Variants in PLEKHG5 observed in about 807,000 individuals in gnomAD.
PLEKHG5 encodes the protein pleckstrin homology domain-containing family G member 5.
A neutral mutation model predicts 103.8 loss-of-function variants in PLEKHG5; 52 were observed. The observed-to-expected ratio is 0.50, with a 90% CI of 0.40 to 0.63. The LOEUF (loss-of-function observed/expected upper bound fraction) is 0.63, where lower values mean the gene tolerates loss of function less well. PLEKHG5 is among the 30% of genes least tolerant of loss of function. The pLI is 0.00. For synonymous variants in PLEKHG5, 592 were observed against 575.5 expected (o/e 1.03, Z -0.41); for missense variants, 1,205 against 1,347.6 (o/e 0.89, Z 1.66).
At chr1:6,512,867 G>A (rs924280359) in intron 1 of PLEKHG5, among the ~76,000 whole-genome samples, 2 of 151,844 alleles carry the variant, frequency 1.3e-5, no homozygotes, top group African/African-American at 4.8e-5. Flanking sequence ...TTTATACAGC[G>A]TAGGCCTCAC....
At chr1:6,504,017 G>T (rs1638228991) in intron 1 of PLEKHG5, among the ~76,000 whole-genome samples, 1 of 152,226 alleles carries the variant, frequency 6.6e-6, no homozygotes, top group African/African-American at 2.4e-5. Context: ...GCCAAGGGGA[G>T]CACAGTCTGA....
rs1290410043 is a variant in PLEKHG5 at position 6,472,557 on chromosome 1, G to C, written c.1050C>G (p.Ser350=). The C allele has an allele frequency of 6.2e-7, 1 of 1,613,660 alleles. No individual in the cohort carries two copies. The highest frequency in any genetic ancestry group is 1.1e-5 in the South Asian group (1 of 91,048). ...AVWELLHTEA[S]YIRKLRVIIN... is the part of the protein sequence containing the mutation. ...TGATCACCCGCAGTTTCCTGATGTA[G>C]GAGGCCTCCGTGTGCAGCAGCTCCC... The change falls in exon 10 of 21, where the codon TCC becomes TCG. Residue 350 remains serine, a synonymous_variant. Coordinates refer to ENST00000377728, the MANE Select transcript of PLEKHG5 (RefSeq NM_020631.6).
chr1:6,470,597 C>A lies in PLEKHG5; in HGVS notation c.1589G>T (p.Arg530Leu), dbSNP rs1644538566. The change falls in exon 15 of 21, where the codon CGG (arginine) becomes CTG (leucine). Residue 530 changes from arginine to leucine, a missense_variant. Transcript: ENST00000377728. Reference protein sequence around the residue: ...RFIHHVNACMRQRQERQRLAA... With the variant: ...RFIHHVNACMLQRQERQRLAA... Reference sequence around the variant, plus strand: ...CAGCCGCTGCCGCTCCTGCCGCTGCCGCATGCACGCGTTCACGTGGTGGAT... The same window carrying A: ...CAGCCGCTGCCGCTCCTGCCGCTGCAGCATGCACGCGTTCACGTGGTGGAT... 6.2e-7 allele frequency: 1 copy of A among 1,601,538 alleles called. No homozygotes were observed. Among genetic ancestry groups the A allele is most frequent in the East Asian group, 2.2e-5 (1 of 44,552 alleles).
At chr1:6,510,740 G>T (rs1220334888) in intron 1 of PLEKHG5, among the ~76,000 whole-genome samples, 1 of 152,186 alleles carries the variant, frequency 6.6e-6, no homozygotes, top group African/African-American at 2.4e-5. Flanking sequence ...GTCAGCACCT[G>T]TGGGAGGGGT....
In PLEKHG5 at chr1:6,473,053, T is replaced by G. The variant is rs145340974; in HGVS notation, c.917A>C (p.Asp306Ala). 4 of 1,613,930 alleles carry G rather than the reference T, an allele frequency of 2.5e-6. No individual in the cohort carries two copies. In the East Asian group the frequency reaches 8.9e-5, roughly 36 times the overall value. ...CAGGCAGGCATTGTCCTCATCCTCG[T>G]CTTCATCGTACTCCTCCTCCCAGGA... ...HDSWEEEYDE[D>A]EDEDNACLRL... The change falls in exon 9 of 21, where the codon GAC becomes GCC. Residue 306 changes from aspartate (D) to alanine (A), a missense_variant. Coordinates refer to ENST00000377728, the MANE Select transcript of PLEKHG5 (RefSeq NM_020631.6).
chr1:6,477,744 G>A, intron 1 of PLEKHG5, 86 bp from the exon 2 acceptor site: 39 of 1,401,010 alleles, frequency 2.8e-5, no homozygotes, highest in Non-Finnish European at 3.7e-5. Context: ...GACTTAGAAT[G>A]AACTGCCCTC....
intron 1 of PLEKHG5, among the ~76,000 whole-genome samples, chr1:6,489,083 C>T (rs1645095402): frequency 6.6e-6 from 1 of 152,212 alleles, no homozygotes; most frequent in Non-Finnish European, 1.5e-5. Flanking sequence ...CTGCCGACAG[C>T]AGACGGGCCT....
At position 6,467,806 on chromosome 1, in the gene PLEKHG5, C is replaced by T. The variant is rs752326203; in HGVS notation, c.3011+19G>A. 5 of 1,612,386 alleles carry T rather than the reference C, an allele frequency of 3.1e-6. No individual in the cohort carries two copies. The highest frequency in any genetic ancestry group is 4.2e-6 in the Non-Finnish European group (5 of 1,179,602). ...CAGTGCCCTGAGCCACCTGCCCTAC[C>T]CCAGTCCAGGCCACTCACGAGGCAG... On this transcript the variant is annotated intron_variant, in intron 20 of 20. Coordinates refer to ENST00000377728, the MANE Select transcript of PLEKHG5 (RefSeq NM_020631.6).
In PLEKHG5 at chr1:6,469,186, T is replaced by C; in HGVS notation, c.2105A>G (p.Gln702Arg). 6.2e-7 allele frequency: 1 copy of C among 1,613,364 alleles called. No individual in the cohort carries two copies. The highest frequency in any genetic ancestry group is 1.3e-5 in the African/African-American group (1 of 75,070). ...QEPPGSQQPLQSLEEEEDEQE... is the reference protein window; with the variant it reads ...QEPPGSQQPLRSLEEEEDEQE... Reference sequence around the variant, plus strand: ...CTCATCCTCCTCCTCTTCCAGGCTCTGCAGGGGCTGCTGACTGCCTGGGGG... The same window carrying C: ...CTCATCCTCCTCCTCTTCCAGGCTCCGCAGGGGCTGCTGACTGCCTGGGGG... The change falls in exon 19 of 21, where the codon CAG becomes CGG. Residue 702 changes from glutamine (Q) to arginine (R), a missense_variant. Coordinates refer to ENST00000377728, the MANE Select transcript of PLEKHG5 (RefSeq NM_020631.6).
intron 1 of PLEKHG5, among the ~76,000 whole-genome samples, chr1:6,507,771 C>T (rs1027601736): frequency 2.0e-5 from 3 of 152,178 alleles, no homozygotes; most frequent in Admixed American, 1.3e-4. Flanking sequence ...CGGCCCCTCC[C>T]GCGCCGGCAC....
chr1:6,467,980 G>T lies in PLEKHG5; in HGVS notation c.2856C>A (p.Ser952=). ...VGCLAGEPAG[S]HRKRCGDLPS... ...GCAGGTCTCCACACCTCTTCCTGTGGGAGCCTGCAGGTTCCCCGGCCAGGC... is the reference window on the plus strand; with the variant it reads ...GCAGGTCTCCACACCTCTTCCTGTGTGAGCCTGCAGGTTCCCCGGCCAGGC... The change falls in exon 20 of 21, where the codon TCC becomes TCA. Residue 952 remains serine, a synonymous_variant. Coordinates refer to ENST00000377728, the MANE Select transcript of PLEKHG5 (RefSeq NM_020631.6). The T allele has an allele frequency of 1.3e-6, 2 of 1,557,252 alleles. No individual in the cohort carries two copies. The highest frequency in any genetic ancestry group is 8.7e-7 in the Non-Finnish European group (1 of 1,152,644).
rs979034468 is a variant in PLEKHG5, at chr1:6,519,648, C to G, written c.-368G>C. On this transcript the variant is annotated 5_prime_UTR_variant, in exon 1 of 22. Transcript: ENST00000377740. ...CTCAACATGGAAGGCTTCTCCCCGA[C>G]TCAGCCCCAGTCTTAATTTCTGCAG... is the stretch of plus-strand genomic sequence containing the variant. 5.5e-6 allele frequency: 4 copies of G among 728,952 alleles called. No homozygotes were observed. In the South Asian group the frequency reaches 5.8e-5, roughly 11 times the overall value. 45.2% of individuals were successfully genotyped at this position (728,952 alleles called of 1,614,324 possible).
At position 6,469,246 on chromosome 1, in the gene PLEKHG5, A is replaced by G. The variant is rs1217986916; in HGVS notation, c.2050-5T>C. On this transcript the variant is annotated splice_polypyrimidine_tract_variant and splice_region_variant and intron_variant, in intron 18 of 20. Transcript: ENST00000377728. ...ACGCAGCTGTTGCAGCTGGTTCTGC[A>G]GGCAAGGTTGGGGTACATGGGACAG... 6.2e-7 allele frequency: 1 copy of G among 1,613,786 alleles called. No homozygotes were observed. Among genetic ancestry groups the G allele is most frequent in the East Asian group, 2.2e-5 (1 of 44,898 alleles).
chr1:6,516,212 A>G lies in PLEKHG5; in HGVS notation c.-165+3233T>C, dbSNP rs535028634. On this transcript the variant is annotated intron_variant, in intron 1 of 21. Coordinates refer to the PLEKHG5 transcript ENST00000377740. The stretch of plus-strand genomic sequence containing the variant: ...TGAGGCAGGAGGATTGCTTGAGCCC[A>G]GGACTTTCAGAGACCAGCCTAAGCG... Among the ~76,000 whole-genome samples, 8 of 152,154 alleles carry G rather than the reference A, an allele frequency of 5.3e-5. No individual in the cohort carries two copies. The East Asian group carries it at 1.4e-3, about 26-fold the overall frequency.
At chr1:6,503,891 T>C (rs1221283292) in intron 1 of PLEKHG5, among the ~76,000 whole-genome samples, 1 of 151,996 alleles carries the variant, frequency 6.6e-6, no homozygotes, top group Non-Finnish European at 1.5e-5. Flanking sequence ...ATCTGAGCCG[T>C]GAGGGCATCC....
At position 6,473,333 on chromosome 1, in the gene PLEKHG5, G is replaced by C. The variant is rs61741379; in HGVS notation, c.713C>G (p.Thr238Ser). Residue 238 changes from threonine to serine, a missense_variant, in exon 8 of 21, where the codon ACT becomes AGT. Coordinates refer to ENST00000377728, the MANE Select transcript of PLEKHG5 (RefSeq NM_020631.6). The stretch of plus-strand genomic sequence containing the variant: ...CGCCCGGTTCTTCCAGCTGTCGCCA[G>C]TGTTGGTGCTGCCACTGCTGCCGCT... The part of the protein sequence containing the change: ...LPSGSSGSTN[T>S]GDSWKNRAAS... The C allele has an allele frequency of 0.16, 252,096 of 1,558,310 alleles. 30,376 individuals are homozygous for C. Among genetic ancestry groups the C allele is most frequent in the African/African-American group, 0.64 (47,136 of 73,394 alleles).
At chr1:6,501,498 T>C (rs574398180), upstream of PLEKHG5, among the ~76,000 whole-genome samples, 2 of 152,290 alleles carry the variant, frequency 1.3e-5, no homozygotes, top group East Asian at 3.9e-4. The surrounding 1 kb of genome is among the most constrained non-coding windows in gnomAD (Gnocchi z 4.3). Context: ...TCAGACGGCT[T>C]CAGGAACGAC....
chr1:6,502,545 C>G (rs1380855059), intron 1 of PLEKHG5, among the ~76,000 whole-genome samples: 1 of 152,264 alleles, frequency 6.6e-6, no homozygotes, highest in Non-Finnish European at 1.5e-5. Flanking sequence ...AGGCCTGGGG[C>G]CAGCCGGCCA....
upstream of PLEKHG5, chr1:6,496,386 C>A: frequency 4.7e-6 from 4 of 842,236 alleles, no homozygotes; most frequent in Non-Finnish European, 3.8e-6. Context: ...CCCAGCCAGC[C>A]GCGCCCGTGC....
Sources: gnomAD v4.1 joint callset for allele counts (sites outside exome capture counted in the v4.1 genomes callset) on GRCh38, gnomAD v4.1.1 for gene constraint, Gnocchi (gnomAD v3.1) non-coding constraint, MANE v1.5 for transcripts, NCBI Gene and HGNC (gene_info 2026-07-23, HGNC 2026-07-21) for gene names.